Variants in ETFA observed in about 807,000 individuals in gnomAD.
ETFA encodes electron transfer flavoprotein subunit alpha.
In ETFA, 22 loss-of-function variants were observed where a neutral mutation model predicts 46.2. The ratio of observed to expected loss-of-function variants is 0.48; its 90% CI spans 0.34 to 0.68. The LOEUF is 0.68. Among genes scored for constraint, ETFA ranks in the 30% least tolerant of loss-of-function variants. ETFA has a pLI of 0.01. For synonymous variants in ETFA, 131 were observed against 139.9 expected, an observed-to-expected ratio of 0.94 and a Z score of 0.45; for missense variants, 345 against 401.1, an observed-to-expected ratio of 0.86 and a Z score of 1.19.
chr15:76,286,597 TCTTC>T lies in ETFA; in HGVS notation c.452-120_452-117del, dbSNP rs1263822687. The T allele has an allele frequency of 2.8e-5, 20 of 721,290 alleles. No individual in the cohort carries two copies. In the Middle Eastern group the frequency reaches 9.6e-4, roughly 35 times the overall value. 44.7% of individuals were successfully genotyped at this position (721,290 alleles called of 1,614,324 possible). ...GCAAGAAATAACTATTGACCAGTTG[TCTTC>T]TAACTCTATTAAGTATAGGAAAAAA... On this transcript the variant is annotated intron_variant, in intron 5 of 11. Transcript: ENST00000557943.
intron 9 of ETFA, chr15:76,260,281 G>A: frequency 8.6e-7 from 1 of 1,169,258 alleles, no homozygotes; most frequent in Non-Finnish European, 1.3e-6. Flanking sequence ...GCCCAGAAGT[G>A]AATGGCTGGC....
chr15:76,230,116 C>T (rs1016795566), intron 10 of ETFA: 8 of 150,952 alleles, frequency 5.3e-5, no homozygotes, highest in African/African-American at 1.9e-4. Context: ...CCACTGCACT[C>T]CAGCCTGGGC....
chr15:76,299,348 A>C (rs776866988), intron 1 of ETFA, among the ~76,000 whole-genome samples: 2 of 152,132 alleles, frequency 1.3e-5, no homozygotes, highest in Non-Finnish European at 2.9e-5. Flanking sequence ...CAGTGGCACA[A>C]TCACAGCTCT....
chr15:76,301,198 G>A (rs766829508), intron 1 of ETFA, among the ~76,000 whole-genome samples: 12 of 152,300 alleles, frequency 7.9e-5, no homozygotes, highest in Non-Finnish European at 1.0e-4. Flanking sequence ...TCTTTGGACC[G>A]TCTCGGACTA....
intron 11 of ETFA, among the ~76,000 whole-genome samples, chr15:76,222,784 G>A (rs1475407951): frequency 6.6e-6 from 1 of 152,048 alleles, no homozygotes; most frequent in African/African-American, 2.4e-5. Context: ...ACAAAGAGGA[G>A]TCTGCCATAT....
chr15:76,223,854 G>A (rs1369774828), intron 11 of ETFA, among the ~76,000 whole-genome samples: 1 of 152,186 alleles, frequency 6.6e-6, no homozygotes, highest in South Asian at 2.1e-4. Context: ...TGACTACAAA[G>A]AAGCTCCTGC....
At chr15:76,308,280 A>G (rs1484606178) in intron 1 of ETFA, among the ~76,000 whole-genome samples, 1 of 152,228 alleles carries the variant, frequency 6.6e-6, no homozygotes, top group Non-Finnish European at 1.5e-5. Flanking sequence ...AAGTCTGATG[A>G]GAAATAGGAC....
Position 76,242,378 on chromosome 15 carries a change from C to CT in ETFA, c.817-10981dup, listed in dbSNP as rs1282159035. Among the ~76,000 whole-genome samples, 3 of 152,284 alleles carry CT rather than the reference C, an allele frequency of 2.0e-5. No homozygotes were observed. In the East Asian group the frequency reaches 5.8e-4, roughly 29 times the overall value. On this transcript the variant is annotated intron_variant, in intron 9 of 11. Coordinates refer to ENST00000557943, the MANE Select transcript of ETFA (RefSeq NM_000126.4). ...CCAAACTGCCTCCTTTCCCAAATCACTAAGAGCTGGCCATTGCTTACACAT... is the reference window on the plus strand; with the variant it reads ...CCAAACTGCCTCCTTTCCCAAATCACTTAAGAGCTGGCCATTGCTTACACAT...
chr15:76,230,881 T>G (rs542949161), intron 10 of ETFA: 1 of 166,972 alleles, frequency 6.0e-6, no homozygotes, highest in Non-Finnish European at 1.3e-5. Context: ...TATGAGATTG[T>G]GAGGGTTACA....
intron 1 of ETFA, among the ~76,000 whole-genome samples, chr15:76,298,961 A>G (rs1034982275): frequency 2.6e-5 from 4 of 152,208 alleles, no homozygotes; most frequent in Non-Finnish European, 4.4e-5. Context: ...TTTTCATTTT[A>G]TTATTTTATA....
intron 9 of ETFA, among the ~76,000 whole-genome samples, chr15:76,239,645 C>T (rs747501741): frequency 6.6e-6 from 1 of 152,064 alleles, no homozygotes; most frequent in Non-Finnish European, 1.5e-5. Context: ...CCACATATGA[C>T]TCAATATTAT....
chr15:76,274,343 T>C (rs1375331829), intron 9 of ETFA, 69 bp downstream of exon 9: 6 of 1,188,610 alleles, frequency 5.0e-6, no homozygotes, highest in Non-Finnish European at 7.4e-6. Context: ...CTGAGATCAC[T>C]GTTCAACAAA....
intron 9 of ETFA, among the ~76,000 whole-genome samples, chr15:76,239,412 C>T (rs1567200047): frequency 6.6e-6 from 1 of 152,124 alleles, no homozygotes; most frequent in Non-Finnish European, 1.5e-5. Flanking sequence ...TTAAAATTTA[C>T]TCTCTTAGCA....
intron 9 of ETFA, among the ~76,000 whole-genome samples, chr15:76,264,000 G>A (rs1371732410): frequency 6.6e-6 from 1 of 152,094 alleles, no homozygotes; most frequent in African/African-American, 2.4e-5. Flanking sequence ...TTAAAACCTG[G>A]AGCAATTGGT....
At chr15:76,284,245 G>A (rs766318544) in intron 7 of ETFA, 13 of 172,080 alleles carry the variant, frequency 7.6e-5, no homozygotes, top group Non-Finnish European at 1.2e-4. Context: ...AGAACATTCT[G>A]CCTTTTCATC....
chr15:76,217,005 T>C (rs934317489), intron 11 of ETFA, among the ~76,000 whole-genome samples: 1 of 151,836 alleles, frequency 6.6e-6, no homozygotes, highest in Non-Finnish European at 1.5e-5. Flanking sequence ...CTTGTAGAGA[T>C]GGGGTATCGT....
chr15:76,299,333 G>C (rs985952634), intron 1 of ETFA, among the ~76,000 whole-genome samples: 9 of 152,028 alleles, frequency 5.9e-5, no homozygotes, highest in South Asian at 2.1e-4. Context: ...ACCCAGTCTT[G>C]AATACAGTGG....
intron 9 of ETFA, among the ~76,000 whole-genome samples, chr15:76,271,316 T>C (rs1158947453): frequency 1.3e-5 from 2 of 152,124 alleles, no homozygotes; most frequent in Non-Finnish European, 2.9e-5. Context: ...AGGATTAAAG[T>C]GAAAATCATT....
At chr15:76,306,631 T>C (rs1375882428) in intron 1 of ETFA, among the ~76,000 whole-genome samples, 1 of 152,174 alleles carries the variant, frequency 6.6e-6, no homozygotes, top group Non-Finnish European at 1.5e-5. Flanking sequence ...TTCTGAGTCA[T>C]ACCCAAAAGG....
Sources: gnomAD v4.1 joint callset for allele counts (sites outside exome capture counted in the v4.1 genomes callset) on GRCh38, gnomAD v4.1.1 for gene constraint, MANE v1.5 for transcripts, NCBI Gene and HGNC (gene_info 2026-07-23, HGNC 2026-07-21) for gene names.